The following EPC2 variants were observed in gnomAD, a reference collection of about 807,000 sequenced individuals.
The protein encoded by EPC2 is enhancer of polycomb 2.
A neutral mutation model predicts 92.1 loss-of-function variants in EPC2; 14 were observed. The ratio of observed to expected loss-of-function variants is 0.15; its 90% confidence interval spans 0.10 to 0.24. The LOEUF is 0.24. EPC2 is among the 10% of genes least tolerant of loss of function. The probability of loss-of-function intolerance (pLI) is 1.00; values close to 1 mark genes in which losing one functional copy is unlikely to be tolerated. For synonymous variants in EPC2, 340 were observed against 334.7 expected (o/e 1.02, Z -0.17); for missense variants, 755 against 971.5 (o/e 0.78, Z 2.96).
intron 2 of EPC2, among the ~76,000 whole-genome samples, chr2:148,724,433 T>C (rs1003379969): frequency 2.2e-4 from 33 of 152,122 alleles, no homozygotes; most frequent in Admixed American, 1.9e-3. Flanking sequence ...CTAAGACTTA[T>C]GCCACCTATC....
chr2:148,695,945 C>T (rs1192140151), intron 2 of EPC2, among the ~76,000 whole-genome samples: 1 of 152,176 alleles, frequency 6.6e-6, no homozygotes, highest in African/African-American at 2.4e-5. Flanking sequence ...TTAGAAGGGA[C>T]AGGGAATAAG....
chr2:148,672,169 A>C (rs1327278108), intron 1 of EPC2, among the ~76,000 whole-genome samples: 1 of 152,150 alleles, frequency 6.6e-6, no homozygotes, highest in Non-Finnish European at 1.5e-5. Context: ...TAATTGTTAT[A>C]TATTACTGGT....
At chr2:148,747,912 A>G (rs1683015532) in intron 3 of EPC2, among the ~76,000 whole-genome samples, 1 of 152,044 alleles carries the variant, frequency 6.6e-6, no homozygotes, top group African/African-American at 2.4e-5. Flanking sequence ...CAAATTTAAC[A>G]TCTCCAGACC....
chr2:148,711,379 A>G (rs945058356), intron 2 of EPC2, among the ~76,000 whole-genome samples: 9 of 152,054 alleles, frequency 5.9e-5, no homozygotes, highest in Admixed American at 4.6e-4. Flanking sequence ...GATTCTAAGT[A>G]TTTTGGGATT....
chr2:148,752,056 A>T (rs1024008512), intron 3 of EPC2, among the ~76,000 whole-genome samples: 1 of 152,192 alleles, frequency 6.6e-6, no homozygotes, highest in Non-Finnish European at 1.5e-5. Flanking sequence ...AAATCTGAGC[A>T]GGTATTTTAA....
At chr2:148,705,378 T>TG (rs1681972165) in intron 2 of EPC2, among the ~76,000 whole-genome samples, 1 of 152,224 alleles carries the variant, frequency 6.6e-6, no homozygotes, top group Non-Finnish European at 1.5e-5. Flanking sequence ...GGTTCCAAGA[T>TG]GGCTGAATAG....
chr2:148,762,525 T>C, intron 5 of EPC2, 145 bp from the exon 6 acceptor site: 1 of 634,126 alleles, frequency 1.6e-6, no homozygotes, highest in Non-Finnish European at 2.5e-6. Context: ...TGTTTCTTTA[T>C]TCCTGCAAAT....
chr2:148,646,444 CTGTG>C (rs1574557228), intron 1 of EPC2, among the ~76,000 whole-genome samples: 3 of 152,088 alleles, frequency 2.0e-5, no homozygotes, highest in South Asian at 2.1e-4. Flanking sequence ...ATGAACTTAA[CTGTG>C]TGTGTACACA....
intron 2 of EPC2, among the ~76,000 whole-genome samples, chr2:148,735,120 T>C (rs908958068): frequency 6.6e-6 from 1 of 152,090 alleles, no homozygotes; most frequent in South Asian, 2.1e-4. Context: ...GCCTTGTGTG[T>C]GTCATCTTGT....
intron 1 of EPC2, among the ~76,000 whole-genome samples, chr2:148,686,214 C>T (rs775419170): frequency 2.6e-5 from 4 of 152,200 alleles, no homozygotes; most frequent in Non-Finnish European, 4.4e-5. Context: ...ATGTTCACAA[C>T]ATCTTCACCT....
intron 1 of EPC2, among the ~76,000 whole-genome samples, chr2:148,677,946 A>G (rs1451912799): frequency 6.6e-6 from 1 of 152,112 alleles, no homozygotes; most frequent in South Asian, 2.1e-4. Context: ...GATTTATTGC[A>G]AAGAGCGAAA....
At chr2:148,780,527 A>T (rs930480150) in intron 10 of EPC2, among the ~76,000 whole-genome samples, 2 of 152,156 alleles carry the variant, frequency 1.3e-5, no homozygotes, top group African/African-American at 4.8e-5. Flanking sequence ...TATTGATTAG[A>T]TCACTCAATT....
At chr2:148,752,429 C>T (rs1481921290) in intron 3 of EPC2, among the ~76,000 whole-genome samples, 2 of 152,096 alleles carry the variant, frequency 1.3e-5, no homozygotes, top group Non-Finnish European at 2.9e-5. Flanking sequence ...AGAACTCCAG[C>T]TAATGGTAGA....
At chr2:148,781,587 G>A in intron 10 of EPC2, 57 bp from the exon 11 acceptor site, 2 of 1,501,076 alleles carry the variant, frequency 1.3e-6, no homozygotes, top group Non-Finnish European at 1.8e-6. Context: ...TATTCTGCTT[G>A]TGTTATTAAA....
At chr2:148,766,210 C>T (rs527693259) in intron 7 of EPC2, among the ~76,000 whole-genome samples, 7 of 152,244 alleles carry the variant, frequency 4.6e-5, no homozygotes, top group African/African-American at 1.4e-4. Context: ...GACTTGTTTG[C>T]TTTAAGGAAA....
At chr2:148,693,363 T>C (rs945326177) in intron 2 of EPC2, among the ~76,000 whole-genome samples, 3 of 152,232 alleles carry the variant, frequency 2.0e-5, no homozygotes, top group Admixed American at 2.0e-4. Context: ...TGCCCTAGTC[T>C]TTATACCTTC....
intron 3 of EPC2, among the ~76,000 whole-genome samples, chr2:148,744,199 A>G (rs1205205246): frequency 2.6e-5 from 4 of 152,118 alleles, no homozygotes. Flanking sequence ...ATTATTTACA[A>G]AAGAATATTC....
chr2:148,767,891 G>T (rs1683447469), intron 7 of EPC2, among the ~76,000 whole-genome samples: 2 of 152,128 alleles, frequency 1.3e-5, no homozygotes, highest in South Asian at 4.1e-4. Flanking sequence ...CTTAGAATAG[G>T]TACGTTATTT....
intron 2 of EPC2, among the ~76,000 whole-genome samples, chr2:148,735,382 CTT>C (rs532876501): frequency 2.6e-4 from 40 of 152,072 alleles, no homozygotes; most frequent in Admixed American, 6.5e-4. Context: ...AAATTTGCCT[CTT>C]ATCAATCACA....
Sources: gnomAD v4.1 joint callset for allele counts (sites outside exome capture counted in the v4.1 genomes callset) on GRCh38, gnomAD v4.1.1 for gene constraint, MANE v1.5 for transcripts, NCBI Gene and HGNC (gene_info 2026-07-23, HGNC 2026-07-21) for gene names.